MAF: variants seen among roughly 807,000 people sequenced by gnomAD.
MAF encodes the protein transcription factor Maf.
Under a neutral mutation model 22.0 loss-of-function variants are expected in MAF, and 10 were observed. The observed-to-expected ratio is 0.45, with a 90% CI of 0.28 to 0.77. MAF has a LOEUF of 0.77. Among genes scored for constraint, MAF ranks in the 30% least tolerant of loss-of-function variants. The pLI is 0.12. For synonymous variants in MAF, 337 were observed against 255.8 expected (o/e 1.32, Z -3.03); for missense variants, 544 against 548.4 (o/e 0.99, Z 0.08).
chr16:79,457,589 G>T, the MAF span, among the ~76,000 whole-genome samples: 1 of 152,134 alleles, frequency 6.6e-6, no homozygotes, highest in African/African-American at 2.4e-5. Flanking sequence ...TGATGAGCCA[G>T]CCGTCCAATA....
chr16:79,295,448 G>A, the MAF span, among the ~76,000 whole-genome samples: 4 of 152,272 alleles, frequency 2.6e-5, no homozygotes, highest in South Asian at 2.1e-4. Context: ...GTTACAGCTC[G>A]GTGTTTGCCT....
the MAF span, among the ~76,000 whole-genome samples, chr16:79,284,049 A>G: frequency 1.3e-5 from 2 of 151,708 alleles, no homozygotes; most frequent in Non-Finnish European, 2.9e-5. Flanking sequence ...ATTTACACTT[A>G]CCATGTTCCT....
At chr16:79,485,852 G>A in the MAF span, among the ~76,000 whole-genome samples, 1 of 152,136 alleles carries the variant, frequency 6.6e-6, no homozygotes, top group Non-Finnish European at 1.5e-5. Flanking sequence ...GGCTGGCAGA[G>A]AGCATATGAA....
the MAF span, among the ~76,000 whole-genome samples, chr16:79,427,134 G>A: frequency 6.6e-6 from 1 of 152,184 alleles, no homozygotes; most frequent in Non-Finnish European, 1.5e-5. Flanking sequence ...AAACTCTTAG[G>A]AAATTATCCA....
the MAF span, among the ~76,000 whole-genome samples, chr16:79,256,059 G>A: frequency 2.7e-4 from 38 of 140,302 alleles, no homozygotes; most frequent in Admixed American, 1.5e-4. Context: ...TCAGCTCACT[G>A]CAACCTCTGC....
chr16:79,427,923 T>G, the MAF span, among the ~76,000 whole-genome samples: 1 of 151,800 alleles, frequency 6.6e-6, no homozygotes, highest in Admixed American at 6.6e-5. Flanking sequence ...ACAAAATGAA[T>G]AAATGAATGG....
chr16:79,212,329 C>T, the MAF span: 3 of 750,932 alleles, frequency 4.0e-6, no homozygotes, highest in Admixed American at 3.0e-5. Context: ...GAACCTTGTC[C>T]CAGCCAGTGA....
the MAF span, among the ~76,000 whole-genome samples, chr16:79,377,448 T>C: frequency 1.3e-5 from 2 of 152,216 alleles, no homozygotes; most frequent in South Asian, 4.1e-4. Flanking sequence ...GATGAGTAGA[T>C]TGCAAAAATT....
the MAF span, among the ~76,000 whole-genome samples, chr16:79,427,381 G>A: frequency 9.2e-5 from 14 of 152,194 alleles, no homozygotes; most frequent in African/African-American, 3.4e-4. Flanking sequence ...CATCAACAGG[G>A]CTTGAACAGC....
chr16:79,434,124 A>T, the MAF span, among the ~76,000 whole-genome samples: 1 of 152,228 alleles, frequency 6.6e-6, no homozygotes, highest in Non-Finnish European at 1.5e-5. Context: ...GCAGTGAAAC[A>T]GCCCATGCAA....
At chr16:79,470,517 T>C in the MAF span, among the ~76,000 whole-genome samples, 1 of 152,234 alleles carries the variant, frequency 6.6e-6, no homozygotes, top group Non-Finnish European at 1.5e-5. Flanking sequence ...CAGGTCCATA[T>C]CTTCCAATGC....
At chr16:79,209,290 C>A in the MAF span, among the ~76,000 whole-genome samples, 5 of 152,292 alleles carry the variant, frequency 3.3e-5, no homozygotes, top group East Asian at 3.9e-4. Context: ...ATCAATGGGA[C>A]TGCAGAATTT....
chr16:79,526,315 A>T, the MAF span, among the ~76,000 whole-genome samples: 1 of 152,150 alleles, frequency 6.6e-6, no homozygotes, highest in Non-Finnish European at 1.5e-5. Flanking sequence ...CACAACCTAG[A>T]TTCCTCACAT....
the MAF span, among the ~76,000 whole-genome samples, chr16:79,380,673 G>T: frequency 5.9e-5 from 9 of 152,272 alleles, no homozygotes; most frequent in South Asian, 1.7e-3. Context: ...ATGATCAGTA[G>T]TACCACTGCT....
chr16:79,408,838 G>A, the MAF span, among the ~76,000 whole-genome samples: 2 of 152,104 alleles, frequency 1.3e-5, no homozygotes, highest in Non-Finnish European at 2.9e-5. Context: ...CTTCATTCCA[G>A]CTTTGTTAAG....
the MAF span, among the ~76,000 whole-genome samples, chr16:79,214,120 C>A: frequency 6.6e-6 from 1 of 152,148 alleles, no homozygotes; most frequent in South Asian, 2.1e-4. Flanking sequence ...CTCACGTTAT[C>A]CCTGTCTTCA....
chr16:79,474,351 C>T, the MAF span, among the ~76,000 whole-genome samples: 13 of 152,344 alleles, frequency 8.5e-5, no homozygotes, highest in East Asian at 2.3e-3. Flanking sequence ...GGGCAGAAAT[C>T]ATGCTTGATG....
chr16:79,501,085 C>T, the MAF span, among the ~76,000 whole-genome samples: 1 of 152,136 alleles, frequency 6.6e-6, no homozygotes, highest in Non-Finnish European at 1.5e-5. Context: ...GTATTCCCTC[C>T]CAGTTCTAGA....
chr16:79,557,820 G>A, the MAF span, among the ~76,000 whole-genome samples: 1 of 152,122 alleles, frequency 6.6e-6, no homozygotes, highest in South Asian at 2.1e-4. Flanking sequence ...AAACACAGAT[G>A]CATCCCAATA....
Sources: gnomAD v4.1 joint callset for allele counts (sites outside exome capture counted in the v4.1 genomes callset) on GRCh38, gnomAD v4.1.1 for gene constraint, MANE v1.5 for transcripts, NCBI Gene and HGNC (gene_info 2026-07-23, HGNC 2026-07-21) for gene names.